MEF2C: variants seen among roughly 807,000 people sequenced by gnomAD.
MEF2C encodes myocyte enhancer factor 2C, also known as myocyte-specific enhancer factor 2C.
In MEF2C, 6 loss-of-function variants were observed where a neutral mutation model predicts 50.5. The observed-to-expected ratio is 0.12, with a 90% CI of 0.07 to 0.23. MEF2C has a LOEUF of 0.23. Ranked by LOEUF, MEF2C falls within the 10% of genes least tolerant of loss-of-function variation. The pLI is 1.00. For synonymous variants in MEF2C, 183 were observed against 228.0 expected, an observed-to-expected ratio of 0.80 and a Z score of 1.78; for missense variants, 276 against 605.0, an observed-to-expected ratio of 0.46 and a Z score of 5.70.
At chr5:88,752,493 T>A in intron 4 of MEF2C, 1 of 565,664 alleles carries the variant, frequency 1.8e-6, no homozygotes, top group Non-Finnish European at 2.2e-6. Context: ...TGATAGAAAA[T>A]CATCTCCAAG....
At chr5:88,723,027 A>C (rs779417601) in intron 10 of MEF2C, 102 bp from the exon 11 acceptor site, 5 of 1,042,286 alleles carry the variant, frequency 4.8e-6, no homozygotes, top group Non-Finnish European at 6.8e-6. Context: ...CATAGACACC[A>C]GAGCATGCCC....
At chr5:88,880,519 G>A (rs1832509044) in intron 1 of MEF2C, among the ~76,000 whole-genome samples, 1 of 152,088 alleles carries the variant, frequency 6.6e-6, no homozygotes, top group Admixed American at 6.6e-5. Flanking sequence ...ACAATAAACA[G>A]AAGAAAGTTT....
chr5:88,899,064 CCATT>C (rs1467444383), intron 1 of MEF2C, among the ~76,000 whole-genome samples: 2 of 152,042 alleles, frequency 1.3e-5, no homozygotes, highest in Non-Finnish European at 2.9e-5. Context: ...TATTAAATGA[CCATT>C]CAGTACTTTT....
chr5:88,813,361 T>C (rs1581111046), intron 2 of MEF2C, among the ~76,000 whole-genome samples: 1 of 152,252 alleles, frequency 6.6e-6, no homozygotes, highest in African/African-American at 2.4e-5. Flanking sequence ...GAGTCCTGTA[T>C]CATTTCCTAC....
At chr5:88,763,215 T>A (rs879595213) in intron 3 of MEF2C, among the ~76,000 whole-genome samples, 1 of 152,234 alleles carries the variant, frequency 6.6e-6, no homozygotes, top group Admixed American at 6.5e-5. Flanking sequence ...CACAGCATGA[T>A]AAAATATACA....
At chr5:88,750,205 C>T (rs1371618895) in intron 5 of MEF2C, 4 of 534,984 alleles carry the variant, frequency 7.5e-6, no homozygotes, top group South Asian at 8.3e-5. Context: ...TATATATACA[C>T]GATTTTTTTT....
At chr5:88,807,077 T>C (rs1012450480) in intron 2 of MEF2C, among the ~76,000 whole-genome samples, 3 of 152,222 alleles carry the variant, frequency 2.0e-5, no homozygotes, top group African/African-American at 7.2e-5. Flanking sequence ...AATACATATA[T>C]TCCTTACTTA....
chr5:88,868,538 C>T (rs754583892), intron 1 of MEF2C, among the ~76,000 whole-genome samples: 22 of 152,088 alleles, frequency 1.4e-4, no homozygotes, highest in African/African-American at 2.7e-4. Flanking sequence ...TCTCCAAGTC[C>T]GTGTGACACC....
At chr5:88,810,159 T>C (rs1356138339) in intron 2 of MEF2C, among the ~76,000 whole-genome samples, 1 of 152,060 alleles carries the variant, frequency 6.6e-6, no homozygotes, top group African/African-American at 2.4e-5. Flanking sequence ...TATGTTAGAG[T>C]AGATGCTTTT....
At chr5:88,759,672 A>AG (rs1776989194) in intron 4 of MEF2C, among the ~76,000 whole-genome samples, 1 of 104,956 alleles carries the variant, frequency 9.5e-6, no homozygotes, top group Non-Finnish European at 2.4e-5. Context: ...TGTGCATATA[A>AG]TAGTTTTATG....
chr5:88,750,175 T>A, intron 5 of MEF2C: 1 of 802,500 alleles, frequency 1.2e-6, no homozygotes, highest in Non-Finnish European at 1.5e-6. Flanking sequence ...TAAAAGAAAA[T>A]GTTTGTTTAT....
chr5:88,743,111 T>C lies in MEF2C; in HGVS notation c.637+5959A>G, dbSNP rs1223928210. 5 of 956,726 alleles carry C rather than the reference T, an allele frequency of 5.2e-6. No homozygotes were observed. The African/African-American group carries it at 8.8e-5, about 17-fold the overall frequency. 59.3% of individuals were successfully genotyped at this position (956,726 alleles called of 1,614,324 possible). A position where few individuals can be genotyped will look rare whatever the true frequency, so the allele number is the denominator to read the frequency against. ...AACAGAACCCAACTATTAACCTAGATTTTTTTCATTTGCTGCTTAATAATA... is the reference window on the plus strand; with the variant it reads ...AACAGAACCCAACTATTAACCTAGACTTTTTTCATTTGCTGCTTAATAATA... On this transcript the variant is annotated intron_variant, in intron 6 of 10. Transcript: ENST00000504921.
chr5:88,850,484 A>G (rs1820927289), intron 1 of MEF2C, among the ~76,000 whole-genome samples: 1 of 152,174 alleles, frequency 6.6e-6, no homozygotes, highest in African/African-American at 2.4e-5. Flanking sequence ...AATGAAAAAT[A>G]ATGGCTATTT....
At chr5:88,758,181 C>T (rs537933942) in intron 4 of MEF2C, among the ~76,000 whole-genome samples, 1 of 152,262 alleles carries the variant, frequency 6.6e-6, no homozygotes, top group Admixed American at 6.5e-5. Flanking sequence ...TCCCTTGATC[C>T]TACATACAAC....
In MEF2C at chr5:88,731,845, A is replaced by C. The variant is rs2152280607; in HGVS notation, c.694T>G (p.Leu232Val). Reference sequence around the variant, plus strand: ...GATTTTGCTTGCATATTCTTGTTCAAGTTACCAGGTGAGACCAGCAGACCT... The same window carrying C: ...GATTTTGCTTGCATATTCTTGTTCACGTTACCAGGTGAGACCAGCAGACCT... ...SPGLLVSPGN[L>V]NKNMQAKSPP... The change falls in exon 7 of 11, where the codon TTG becomes GTG. Residue 232 changes from leucine to valine, a missense_variant. Physicochemically the swap from Leu to Val is conservative, Grantham distance 32 (BLOSUM62 1). This residue lies in a region of MEF2C where 256 missense variants were observed against 468.1 expected (regional missense o/e 0.55). Coordinates refer to ENST00000504921, the MANE Select transcript of MEF2C (RefSeq NM_002397.5). 1 of 1,613,314 alleles carries C rather than the reference A, an allele frequency of 6.2e-7. No individual in the cohort carries two copies. The highest frequency in any genetic ancestry group is 8.5e-7 in the Non-Finnish European group (1 of 1,179,516).
At position 88,723,042 on chromosome 5, in the gene MEF2C, T is replaced by G; in HGVS notation, c.1101-117A>C. On this transcript the variant is annotated intron_variant, in intron 10 of 10. Coordinates refer to ENST00000504921, the MANE Select transcript of MEF2C (RefSeq NM_002397.5). ...CATAGACACCAGAGCATGCCCAGAGTGAAGAAAACGTGCTTGGAAGCACAT... is the reference window on the plus strand; with the variant it reads ...CATAGACACCAGAGCATGCCCAGAGGGAAGAAAACGTGCTTGGAAGCACAT... 3.2e-6 allele frequency: 3 copies of G among 940,422 alleles called. 1 individual carries two copies. The highest frequency in any genetic ancestry group is 4.6e-6 in the Non-Finnish European group (3 of 645,952). 58.3% of individuals were successfully genotyped at this position (940,422 alleles called of 1,614,324 possible). A position where few individuals can be genotyped will look rare whatever the true frequency, so the allele number is the denominator to read the frequency against.
intron 6 of MEF2C, chr5:88,740,233 C>CGCGT (rs1765972514): frequency 2.3e-6 from 2 of 884,956 alleles, no homozygotes; most frequent in African/African-American, 4.0e-5. Context: ...AGCGATTTTG[C>CGCGT]GTGTGTGTGT....
chr5:88,737,052 G>A, intron 6 of MEF2C: 1 of 985,054 alleles, frequency 1.0e-6, no homozygotes. Flanking sequence ...TGTTTCAGGT[G>A]CTTCACAAAT....
intron 1 of MEF2C, among the ~76,000 whole-genome samples, chr5:88,867,476 C>T (rs983728968): frequency 2.0e-5 from 3 of 152,128 alleles, no homozygotes; most frequent in Non-Finnish European, 4.4e-5. Flanking sequence ...GGGATAGTAA[C>T]TGCACCTACC....
Sources: gnomAD v4.1 joint callset for allele counts (sites outside exome capture counted in the v4.1 genomes callset) on GRCh38, gnomAD v4.1.1 for gene constraint, gnomAD v4.1.1 regional missense constraint, MANE v1.5 for transcripts, NCBI Gene and HGNC (gene_info 2026-07-23, HGNC 2026-07-21) for gene names.